The following CDH13 variants were observed in gnomAD, a reference collection of about 807,000 sequenced individuals.
CDH13 encodes the protein cadherin 13.
Under a neutral mutation model 63.8 loss-of-function variants are expected in CDH13, and 24 were observed. The observed-to-expected ratio is 0.38, with a 90% CI of 0.27 to 0.53. The LOEUF (loss-of-function observed/expected upper bound fraction) is 0.53. Among genes scored for constraint, CDH13 ranks in the 20% least tolerant of loss-of-function variants. The pLI, the probability that CDH13 is intolerant of heterozygous loss-of-function variation, is 0.85. For synonymous variants in CDH13, 503 were observed against 355.3 expected, an observed-to-expected ratio of 1.42 and a Z score of -4.67; for missense variants, 1,049 against 903.1, an observed-to-expected ratio of 1.16 and a Z score of -2.07.
intron 6 of CDH13, among the ~76,000 whole-genome samples, chr16:83,355,515 A>C (rs942949067): frequency 1.9e-4 from 29 of 152,260 alleles, no homozygotes; most frequent in African/African-American, 7.0e-4. Context: ...CCACTGGATG[A>C]ACAAATGGCT....
At chr16:82,687,896 A>G (rs1027678640) in intron 1 of CDH13, among the ~76,000 whole-genome samples, 2 of 152,074 alleles carry the variant, frequency 1.3e-5, no homozygotes, top group African/African-American at 2.4e-5. Context: ...CTAAGTAAGG[A>G]GCTTCAAGGG....
chr16:82,811,041 T>C (rs1269726544), intron 1 of CDH13, among the ~76,000 whole-genome samples: 3 of 152,168 alleles, frequency 2.0e-5, no homozygotes, highest in Non-Finnish European at 2.9e-5. Context: ...TTAAAATATT[T>C]TAAATTACGA....
At chr16:83,452,090 G>C (rs2072901678) in intron 6 of CDH13, among the ~76,000 whole-genome samples, 1 of 152,140 alleles carries the variant, frequency 6.6e-6, no homozygotes, top group South Asian at 2.1e-4. Flanking sequence ...CCCACCGCCT[G>C]AGATTACAGG....
At chr16:83,782,325 G>GTGGC (rs1915583917) in intron 12 of CDH13, among the ~76,000 whole-genome samples, 1 of 152,176 alleles carries the variant, frequency 6.6e-6, no homozygotes, top group African/African-American at 2.4e-5. Context: ...CTGGGTGATG[G>GTGGC]TGGCTATTGC....
intron 8 of CDH13, among the ~76,000 whole-genome samples, chr16:83,624,779 G>A (rs1910132818): frequency 6.6e-6 from 1 of 152,136 alleles, no homozygotes; most frequent in South Asian, 2.1e-4. Context: ...GCACCAACGT[G>A]ACCTCAAGGA....
chr16:82,689,788 G>A (rs1289011344), intron 1 of CDH13, among the ~76,000 whole-genome samples: 1 of 151,642 alleles, frequency 6.6e-6, no homozygotes, highest in Admixed American at 6.6e-5. Context: ...CCACAGGTTG[G>A]AGCAAACATA....
chr16:83,454,390 T>A (rs902948868), intron 6 of CDH13, among the ~76,000 whole-genome samples: 1 of 152,228 alleles, frequency 6.6e-6, no homozygotes, highest in Non-Finnish European at 1.5e-5. Context: ...AAATACCTTT[T>A]CAATATTGAC....
chr16:83,318,804 C>G (rs999867096), intron 5 of CDH13, among the ~76,000 whole-genome samples: 1 of 152,106 alleles, frequency 6.6e-6, no homozygotes, highest in African/African-American at 2.4e-5. Flanking sequence ...AGTGACCAGA[C>G]AATGGTGCTG....
chr16:82,931,235 A>C (rs1483250419), intron 2 of CDH13, among the ~76,000 whole-genome samples: 2 of 152,236 alleles, frequency 1.3e-5, no homozygotes, highest in Non-Finnish European at 1.5e-5. Context: ...TACCCTGCAC[A>C]GAATTTTCTC....
At chr16:83,701,776 G>A (rs1309823197) in intron 10 of CDH13, among the ~76,000 whole-genome samples, 1 of 152,182 alleles carries the variant, frequency 6.6e-6, no homozygotes, top group Non-Finnish European at 1.5e-5. Flanking sequence ...TGGGTTGCTA[G>A]GTATTTCGCA....
chr16:83,112,003 C>G (rs985193980), intron 3 of CDH13, among the ~76,000 whole-genome samples: 1 of 152,100 alleles, frequency 6.6e-6, no homozygotes, highest in Non-Finnish European at 1.5e-5. Context: ...TTTTCTTATA[C>G]CCACATAATT....
At chr16:83,442,293 C>T (rs911357875) in intron 6 of CDH13, among the ~76,000 whole-genome samples, 11 of 152,194 alleles carry the variant, frequency 7.2e-5, no homozygotes, top group African/African-American at 2.2e-4. Context: ...TCAGCCTTGA[C>T]GAGTGCAGGA....
At chr16:83,295,789 A>G (rs1021168854) in intron 5 of CDH13, among the ~76,000 whole-genome samples, 3 of 152,192 alleles carry the variant, frequency 2.0e-5, no homozygotes, top group South Asian at 4.1e-4. Context: ...AAGTAGAACT[A>G]TCATATGATT....
rs530303213 is a variant in CDH13 at position 83,318,824 on chromosome 16, T to G, written c.637-26038T>G. Reference sequence around the variant, plus strand: ...CCAGACAATGGTGCTGTCTTTCTTTTGAAGTCACTGCTGGGATTTTATGGG... The same window carrying G: ...CCAGACAATGGTGCTGTCTTTCTTTGGAAGTCACTGCTGGGATTTTATGGG... On this transcript the variant is annotated intron_variant, in intron 5 of 13. Transcript: ENST00000567109. Among the ~76,000 whole-genome samples the G allele has an allele frequency of 1.3e-4, 20 of 152,280 alleles. No homozygotes were observed. The East Asian group carries it at 3.5e-3, about 26-fold the overall frequency.
chr16:83,450,564 G>C (rs1288037967), intron 6 of CDH13, among the ~76,000 whole-genome samples: 1 of 152,154 alleles, frequency 6.6e-6, no homozygotes, highest in Admixed American at 6.5e-5. Flanking sequence ...TGAAAATCAA[G>C]TTGTGTGTTA....
At chr16:83,527,785 G>A (rs887357924) in intron 7 of CDH13, among the ~76,000 whole-genome samples, 1 of 152,172 alleles carries the variant, frequency 6.6e-6, no homozygotes, top group Non-Finnish European at 1.5e-5. Context: ...GTTGTCATTT[G>A]GGTGATAATG....
At chr16:83,606,128 T>C (rs1048795733) in intron 8 of CDH13, among the ~76,000 whole-genome samples, 4 of 152,098 alleles carry the variant, frequency 2.6e-5, no homozygotes, top group Non-Finnish European at 5.9e-5. Context: ...GAGATGAAAA[T>C]CAAGGTTTAG....
chr16:83,724,934 T>C (rs1402444344), intron 10 of CDH13, among the ~76,000 whole-genome samples: 1 of 152,190 alleles, frequency 6.6e-6, no homozygotes, highest in East Asian at 1.9e-4. Context: ...CCCTTATTGG[T>C]GTCCTCATTA....
intron 8 of CDH13, among the ~76,000 whole-genome samples, chr16:83,644,574 C>T (rs984802889): frequency 6.6e-6 from 1 of 152,136 alleles, no homozygotes; most frequent in Non-Finnish European, 1.5e-5. Flanking sequence ...TTTAAATTAC[C>T]TTCACTTTTG....
Sources: allele counts gnomAD v4.1 joint callset (sites outside exome capture counted in the v4.1 genomes callset), GRCh38; gene constraint gnomAD v4.1.1; transcripts MANE v1.5; gene names NCBI Gene and HGNC (gene_info 2026-07-23, HGNC 2026-07-21).